The following TENM3 variants were observed in gnomAD, a reference collection of about 807,000 sequenced individuals.
TENM3 encodes the protein teneurin transmembrane protein 3, also known as teneurin-3.
A neutral mutation model predicts 255.1 loss-of-function variants in TENM3; 63 were observed. The ratio of observed to expected loss-of-function variants is 0.25; its 90% CI spans 0.20 to 0.30. TENM3 has a LOEUF of 0.30. Among genes scored for constraint, TENM3 ranks in the 10% least tolerant of loss-of-function variants. TENM3 has a pLI of 1.00. For missense variants in TENM3, 2,929 were observed against 3,461.1 expected, an observed-to-expected ratio of 0.85 and a Z score of 3.86; for synonymous variants, 1,306 against 1,322.3, an observed-to-expected ratio of 0.99 and a Z score of 0.27.
At chr4:181,818,399 T>C in the TENM3 span, among the ~76,000 whole-genome samples, 4 of 152,252 alleles carry the variant, frequency 2.6e-5, no homozygotes, top group African/African-American at 9.6e-5. Flanking sequence ...GTTCAGCTTG[T>C]AGACATTCCA....
At chr4:181,457,469 C>T in the TENM3 span, among the ~76,000 whole-genome samples, 1 of 151,584 alleles carries the variant, frequency 6.6e-6, no homozygotes, top group South Asian at 2.1e-4. Flanking sequence ...TCGATTAAAC[C>T]CTGTCACTTC....
the TENM3 span, among the ~76,000 whole-genome samples, chr4:181,505,299 G>A: frequency 1.3e-5 from 2 of 152,206 alleles, no homozygotes; most frequent in African/African-American, 4.8e-5. Flanking sequence ...AGGTGTGGCA[G>A]CACATCCTGA....
At chr4:181,816,990 G>A in the TENM3 span, among the ~76,000 whole-genome samples, 1 of 152,246 alleles carries the variant, frequency 6.6e-6, no homozygotes, top group East Asian at 1.9e-4. Flanking sequence ...GGCTGCAAAA[G>A]GTTAAGCATC....
the TENM3 span, among the ~76,000 whole-genome samples, chr4:182,039,024 C>A: frequency 6.6e-6 from 1 of 152,070 alleles, no homozygotes; most frequent in Non-Finnish European, 1.5e-5. Flanking sequence ...TGAGCCCCTG[C>A]GCCCGGCCAT....
upstream of TENM3, chr4:182,142,396 G>A (rs1446229537): frequency 6.0e-6 from 1 of 166,042 alleles, no homozygotes; most frequent in East Asian, 1.9e-4. Flanking sequence ...TGTGGGTCTG[G>A]GCACACCACC....
At chr4:182,159,558 C>A (rs1278984595) in intron 1 of TENM3, among the ~76,000 whole-genome samples, 1 of 151,954 alleles carries the variant, frequency 6.6e-6, no homozygotes, top group Non-Finnish European at 1.5e-5. Flanking sequence ...GGAAGAATGA[C>A]CACAACGCAG....
chr4:182,756,690 C>G (rs1365033688), intron 22 of TENM3, among the ~76,000 whole-genome samples: 2 of 152,094 alleles, frequency 1.3e-5, no homozygotes, highest in African/African-American at 4.8e-5. Context: ...TGGAATGTGT[C>G]TTATACATAA....
At chr4:181,941,829 C>G in the TENM3 span, among the ~76,000 whole-genome samples, 1 of 152,134 alleles carries the variant, frequency 6.6e-6, no homozygotes, top group African/African-American at 2.4e-5. Context: ...AGTTGTTTCA[C>G]AGGACTGACA....
chr4:181,983,818 AG>A, the TENM3 span, among the ~76,000 whole-genome samples: 1 of 152,118 alleles, frequency 6.6e-6, no homozygotes, highest in African/African-American at 2.4e-5. Flanking sequence ...AGATGAATTC[AG>A]TTTTAGTATA....
chr4:181,736,575 G>T, the TENM3 span, among the ~76,000 whole-genome samples: 3 of 151,776 alleles, frequency 2.0e-5, no homozygotes, highest in Non-Finnish European at 2.9e-5. Flanking sequence ...GTTCACCCAG[G>T]AAAAACTATT....
At chr4:181,920,273 G>A in the TENM3 span, among the ~76,000 whole-genome samples, 1 of 151,964 alleles carries the variant, frequency 6.6e-6, no homozygotes, top group Non-Finnish European at 1.5e-5. Context: ...TGGGTCAAAT[G>A]GTATTTCTAG....
At chr4:181,968,721 G>A in the TENM3 span, among the ~76,000 whole-genome samples, 1 of 152,182 alleles carries the variant, frequency 6.6e-6, no homozygotes, top group African/African-American at 2.4e-5. Flanking sequence ...AGTTATACAA[G>A]ATGATTAAGT....
chr4:181,986,677 C>CT, the TENM3 span, among the ~76,000 whole-genome samples: 2 of 152,044 alleles, frequency 1.3e-5, no homozygotes, highest in Non-Finnish European at 2.9e-5. Context: ...CTCACTCCCC[C>CT]TGTCATCTAT....
chr4:182,387,683 CG>C (rs1329922531), intron 3 of TENM3, among the ~76,000 whole-genome samples: 1 of 152,018 alleles, frequency 6.6e-6, no homozygotes, highest in East Asian at 1.9e-4. Flanking sequence ...ACTCCAGACG[CG>C]CTGCCTTAAG....
chr4:181,451,086 T>G, the TENM3 span, among the ~76,000 whole-genome samples: 7 of 152,126 alleles, frequency 4.6e-5, no homozygotes, highest in Non-Finnish European at 8.8e-5. Context: ...TGAGTTTACA[T>G]GTAACAGGCA....
At chr4:182,325,974 C>T (rs374743478) in intron 2 of TENM3, among the ~76,000 whole-genome samples, 56 of 152,242 alleles carry the variant, frequency 3.7e-4, no homozygotes, top group African/African-American at 1.2e-3. Context: ...CTGTTGTTGA[C>T]AACCCGGCGG....
the TENM3 span, among the ~76,000 whole-genome samples, chr4:181,920,284 T>C: frequency 6.6e-6 from 1 of 152,038 alleles, no homozygotes; most frequent in Non-Finnish European, 1.5e-5. Context: ...GTATTTCTAG[T>C]TCTAGATCCC....
intron 6 of TENM3, 41 bp from the exon 7 acceptor site, chr4:182,672,963 TA>T (rs749857798): frequency 2.0e-5 from 27 of 1,378,276 alleles, no homozygotes; most frequent in Admixed American, 2.5e-5. Context: ...TTTGTTTTTT[TA>T]AAAAAAATTT....
At chr4:181,625,820 A>AAT in the TENM3 span, among the ~76,000 whole-genome samples, 12 of 147,784 alleles carry the variant, frequency 8.1e-5, no homozygotes, top group African/African-American at 2.9e-4. Flanking sequence ...TCTCAAAAAA[A>AAT]AATAATAATA....
Sources: allele counts gnomAD v4.1 joint callset (sites outside exome capture counted in the v4.1 genomes callset), GRCh38; gene constraint gnomAD v4.1.1; transcripts MANE v1.5; gene names NCBI Gene and HGNC (gene_info 2026-07-23, HGNC 2026-07-21).